PDZRN3: variants seen among roughly 807,000 people sequenced by gnomAD.
PDZRN3 encodes the protein E3 ubiquitin-protein ligase PDZRN3.
Under a neutral mutation model 85.7 loss-of-function variants are expected in PDZRN3, and 38 were observed. That is an observed-to-expected ratio of 0.44 (90% CI 0.34 to 0.58). The LOEUF is 0.58. Among genes scored for constraint, PDZRN3 ranks in the 20% least tolerant of loss-of-function variants. PDZRN3 has a pLI of 0.01. For synonymous variants in PDZRN3, 759 were observed against 638.0 expected (o/e 1.19, Z -2.86); for missense variants, 1,629 against 1,506.4 (o/e 1.08, Z -1.35).
intron 3 of PDZRN3, among the ~76,000 whole-genome samples, chr3:73,411,777 G>A (rs1373235509): frequency 2.0e-5 from 3 of 152,182 alleles, no homozygotes; most frequent in Non-Finnish European, 2.9e-5. Flanking sequence ...CAGCCACTCC[G>A]TGCTTCGTTG....
At chr3:73,614,037 T>G (rs1702723680) in intron 1 of PDZRN3, among the ~76,000 whole-genome samples, 1 of 152,102 alleles carries the variant, frequency 6.6e-6, no homozygotes, top group Non-Finnish European at 1.5e-5. Context: ...AAATGCAAGC[T>G]CACTTTTCAA....
Position 73,451,196 on chromosome 3 carries a change from G to A in PDZRN3, c.919-46801C>T, listed in dbSNP as rs137919794. On this transcript the variant is annotated intron_variant, in intron 3 of 9. Coordinates refer to ENST00000263666, the MANE Select transcript of PDZRN3 (RefSeq NM_015009.3). ...GTGGGGAGCAGGCCCCTGGGACACC[G>A]AAACTGGCTCACATCCACAGGCAAT... Among the ~76,000 whole-genome samples the A allele has an allele frequency of 1.9e-3, 294 of 152,232 alleles. 4 individuals carry two copies. The highest frequency in any genetic ancestry group is 0.013 in the East Asian group (69 of 5,176).
intron 3 of PDZRN3, among the ~76,000 whole-genome samples, chr3:73,520,729 CA>C (rs774023970): frequency 2.0e-5 from 3 of 151,958 alleles, no homozygotes; most frequent in African/African-American, 4.8e-5. Flanking sequence ...AAAATGAAAG[CA>C]GGGGTAGGGG....
rs773778619 is a variant in PDZRN3 at position 73,384,774 on chromosome 3, T to G, written c.1792A>C (p.Asn598His). The stretch of plus-strand genomic sequence containing the variant: ...AGCTTCCTCTGCCCCGCCAGCGGGT[T>G]GGAGGATGCGGTGGCGTCGTCGCCA... ...NNGDDATASSNPLAGQRKLTC... is the reference protein window; with the variant it reads ...NNGDDATASSHPLAGQRKLTC... The change falls in exon 10 of 10, where the codon AAC (asparagine) becomes CAC (histidine). Residue 598 changes from asparagine to histidine, a missense_variant. Transcript: ENST00000263666. The G allele has an allele frequency of 1.9e-6, 3 of 1,613,868 alleles. No homozygotes were observed. In the African/African-American group the frequency reaches 4.0e-5, roughly 22 times the overall value.
chr3:73,524,127 C>T (rs929097396), intron 3 of PDZRN3, among the ~76,000 whole-genome samples: 7 of 152,148 alleles, frequency 4.6e-5, no homozygotes, highest in Admixed American at 1.3e-4. Flanking sequence ...GACTAACAGG[C>T]TGACTTTTAC....
At chr3:73,404,502 C>T in intron 3 of PDZRN3, 107 bp from the exon 4 acceptor site, 1 of 1,233,804 alleles carries the variant, frequency 8.1e-7, no homozygotes, top group Non-Finnish European at 1.1e-6. Flanking sequence ...AAGAAAGAAG[C>T]AGGTGGTGGT....
intron 3 of PDZRN3, among the ~76,000 whole-genome samples, chr3:73,529,374 TC>T (rs1704601989): frequency 6.6e-6 from 1 of 152,150 alleles, no homozygotes; most frequent in Admixed American, 6.5e-5. Flanking sequence ...CCTGCCTCTA[TC>T]CAGGGCTGCA....
chr3:73,425,886 C>T (rs4677282), intron 3 of PDZRN3, among the ~76,000 whole-genome samples: 87,193 of 151,956 alleles, frequency 0.57, 26,679 homozygotes, highest in East Asian at 0.8. Flanking sequence ...GATAGCTATA[C>T]AGCTCTCATC....
chr3:73,400,550 G>A (rs1701728051), intron 5 of PDZRN3, among the ~76,000 whole-genome samples: 2 of 152,204 alleles, frequency 1.3e-5, no homozygotes, highest in African/African-American at 2.4e-5. Context: ...ACCTACTCTT[G>A]AGCCATCTGC....
chr3:73,451,834 T>G (rs1039066085), intron 3 of PDZRN3, among the ~76,000 whole-genome samples: 2 of 147,834 alleles, frequency 1.4e-5, no homozygotes. Flanking sequence ...ATCCCGCAGA[T>G]GCTCTAGCTT....
chr3:73,403,871 A>C (rs1245828671), intron 4 of PDZRN3, among the ~76,000 whole-genome samples: 1 of 152,214 alleles, frequency 6.6e-6, no homozygotes, highest in African/African-American at 2.4e-5. Flanking sequence ...GGGTGATTAC[A>C]TTTTATTCTG....
intron 5 of PDZRN3, among the ~76,000 whole-genome samples, chr3:73,400,291 A>G (rs1271853909): frequency 6.6e-6 from 1 of 152,214 alleles, no homozygotes; most frequent in Non-Finnish European, 1.5e-5. Context: ...CCCTTAATAA[A>G]AGGAAAATGG....
In PDZRN3 at chr3:73,552,783, C is replaced by A. The variant is rs533481277; in HGVS notation, c.918+49571G>T. Among the ~76,000 whole-genome samples the A allele has an allele frequency of 7.2e-5, 11 of 152,276 alleles. No homozygotes were observed. In the East Asian group the frequency reaches 2.1e-3, roughly 29 times the overall value. On this transcript the variant is annotated intron_variant, in intron 3 of 9. Transcript: ENST00000263666. ...TAAACACTGTTTAGGATTTGAGATGCCCAAATAGGTATTTGGAAAACAGAT... is the reference window on the plus strand; with the variant it reads ...TAAACACTGTTTAGGATTTGAGATGACCAAATAGGTATTTGGAAAACAGAT...
intron 3 of PDZRN3, among the ~76,000 whole-genome samples, chr3:73,509,375 T>G (rs1160734443): frequency 1.3e-5 from 2 of 152,176 alleles, no homozygotes; most frequent in African/African-American, 4.8e-5. Flanking sequence ...GCCCTTTAGG[T>G]GCAGAAATTG....
chr3:73,610,584 A>G (rs916071221), intron 1 of PDZRN3, among the ~76,000 whole-genome samples: 2 of 152,214 alleles, frequency 1.3e-5, no homozygotes, highest in African/African-American at 4.8e-5. Context: ...TTACTTTGCT[A>G]TCTTAAAGGG....
intron 5 of PDZRN3, among the ~76,000 whole-genome samples, chr3:73,398,058 T>C (rs770706277): frequency 2.0e-5 from 3 of 152,132 alleles, no homozygotes; most frequent in East Asian, 1.9e-4. Flanking sequence ...ATGAACAGAA[T>C]TGAAAATAAA....
At chr3:73,555,011 G>A (rs1206152977) in intron 3 of PDZRN3, among the ~76,000 whole-genome samples, 4 of 152,302 alleles carry the variant, frequency 2.6e-5, no homozygotes, top group East Asian at 3.9e-4. Flanking sequence ...ACTGGCTGTC[G>A]CCTATTTTAA....
At chr3:73,425,331 G>C (rs1702291058) in intron 3 of PDZRN3, among the ~76,000 whole-genome samples, 1 of 151,998 alleles carries the variant, frequency 6.6e-6, no homozygotes, top group Non-Finnish European at 1.5e-5. Flanking sequence ...ATCAGTCTTA[G>C]TCTTATATAA....
chr3:73,404,772 T>C (rs1338868666), intron 3 of PDZRN3, among the ~76,000 whole-genome samples: 1 of 152,220 alleles, frequency 6.6e-6, no homozygotes, highest in Non-Finnish European at 1.5e-5. Flanking sequence ...GTTTTAATAG[T>C]GTGTATTTTT....
Sources: allele counts gnomAD v4.1 joint callset (sites outside exome capture counted in the v4.1 genomes callset), GRCh38; gene constraint gnomAD v4.1.1; transcripts MANE v1.5; gene names NCBI Gene and HGNC (gene_info 2026-07-23, HGNC 2026-07-21).